Variants in NBEA observed in about 807,000 individuals in gnomAD.
NBEA encodes neurobeachin.
NBEA carries 44 observed loss-of-function variants against 343.4 expected under a neutral mutation model. That is an observed-to-expected ratio of 0.13 (90% CI 0.10 to 0.16). The LOEUF is 0.16. Ranked by LOEUF, NBEA falls within the 10% of genes least tolerant of loss-of-function variation. The pLI is 1.00. For synonymous variants in NBEA, 1,175 were observed against 1,238.7 expected, an observed-to-expected ratio of 0.95 and a Z score of 1.08; for missense variants, 2,555 against 3,631.3, an observed-to-expected ratio of 0.70 and a Z score of 7.62.
chr13:35,526,084 G>A (rs966653048), intron 41 of NBEA, among the ~76,000 whole-genome samples: 3 of 152,050 alleles, frequency 2.0e-5, no homozygotes, highest in African/African-American at 7.2e-5. Context: ...CTTCCTCGTT[G>A]GTAAAATGGG....
At chr13:35,200,407 G>T (rs2072937491) in intron 31 of NBEA, among the ~76,000 whole-genome samples, 1 of 141,994 alleles carries the variant, frequency 7.0e-6, no homozygotes. Flanking sequence ...TTTTGGTTTA[G>T]TTTTAACTTC....
In NBEA at chr13:35,526,331, G is replaced by A. The variant is rs185620812; in HGVS notation, c.6586-24146G>A. On this transcript the variant is annotated intron_variant, in intron 41 of 58. Coordinates refer to ENST00000379939, the MANE Select transcript of NBEA (RefSeq NM_001385012.1). ...AAATTTGATATATTTGCTTCTGATC[G>A]TTTTTACAAAATAAAACATTAAAAA... Among the ~76,000 whole-genome samples the A allele has an allele frequency of 8.1e-4, 123 of 152,158 alleles. 2 individuals are homozygous for A. The highest frequency in any genetic ancestry group is 6.6e-4 in the Non-Finnish European group (45 of 68,004).
At position 35,372,497 on chromosome 13, in the gene NBEA, C is replaced by T. The variant is rs191709351; in HGVS notation, c.6179+20174C>T. Reference sequence around the variant, plus strand: ...CCTGTCCTCAAGTATCCTGGTGATACATGCATATGCTGGCTGAGGTAGACA... The same window carrying T: ...CCTGTCCTCAAGTATCCTGGTGATATATGCATATGCTGGCTGAGGTAGACA... On this transcript the variant is annotated intron_variant, in intron 38 of 58. Transcript: ENST00000379939. Among the ~76,000 whole-genome samples, 13 of 152,254 alleles carry T rather than the reference C, an allele frequency of 8.5e-5. No individual in the cohort carries two copies. In the East Asian group the frequency reaches 1.7e-3, roughly 20 times the overall value.
chr13:35,307,509 T>C (rs1237517407), intron 35 of NBEA, among the ~76,000 whole-genome samples: 2 of 152,096 alleles, frequency 1.3e-5, no homozygotes, highest in African/African-American at 4.8e-5. Flanking sequence ...TAATTTTCTC[T>C]TGATTTTTTT....
In NBEA at chr13:35,549,693, C is replaced by T. The variant is rs140633000; in HGVS notation, c.6586-784C>T. ...AAAGTGGTATGCCAGCTATATATGA[C>T]TCATTTCATCAGCTTTTCTCAAACA... On this transcript the variant is annotated intron_variant, in intron 41 of 58. Transcript: ENST00000379939. 2.0e-4 allele frequency among the ~76,000 whole-genome samples: 31 copies of T among 152,258 alleles called. No homozygotes were observed. In the East Asian group the frequency reaches 5.8e-3, roughly 29 times the overall value.
intron 38 of NBEA, among the ~76,000 whole-genome samples, chr13:35,405,877 C>G (rs1227008790): frequency 3.3e-5 from 5 of 152,088 alleles, no homozygotes; most frequent in Non-Finnish European, 4.4e-5. Context: ...AGCTATTTCA[C>G]AAGTAATTTT....
chr13:35,047,805 A>G (rs1162631259), intron 4 of NBEA, among the ~76,000 whole-genome samples: 1 of 1,164 alleles, frequency 8.6e-4, no homozygotes, highest in Non-Finnish European at 7.2e-3. Context: ...AACATGAAAG[A>G]TCTATTTGAG....
chr13:35,347,353 G>C (rs1414498463), intron 36 of NBEA, among the ~76,000 whole-genome samples: 1 of 151,952 alleles, frequency 6.6e-6, no homozygotes. Context: ...GTGAAAAAAA[G>C]TAATGCTGTT....
intron 39 of NBEA, among the ~76,000 whole-genome samples, chr13:35,433,838 C>G (rs1006291667): frequency 2.0e-5 from 3 of 152,082 alleles, no homozygotes; most frequent in Middle Eastern, 3.4e-3. Flanking sequence ...ATCTGCCTAC[C>G]TAGTAGTGGC....
intron 48 of NBEA, among the ~76,000 whole-genome samples, chr13:35,611,041 G>A (rs2082496803): frequency 7.7e-6 from 1 of 129,066 alleles, no homozygotes; most frequent in Non-Finnish European, 1.7e-5. Context: ...AAAATTAAAA[G>A]GGGGAAAAAA....
Position 35,159,585 on chromosome 13 carries a change from C to A in NBEA, c.3414C>A (p.Asp1138Glu), listed in dbSNP as rs1163673035. The A allele has an allele frequency of 1.2e-6, 2 of 1,612,052 alleles. No individual in the cohort carries two copies. The highest frequency in any genetic ancestry group is 2.2e-5 in the South Asian group (2 of 90,936). ...PLITLADEKE[D>E]LPNSSTSFLF... ...TAACATTAGCAGATGAGAAAGAAGA[C>A]CTTCCCAATAGTAGTACATCATTTC... The change falls in exon 22 of 59, where the codon GAC becomes GAA. Residue 1138 changes from aspartate (D) to glutamate (E), a missense_variant. Physicochemically the swap from Asp to Glu is conservative, Grantham distance 45. Transcript: ENST00000379939.
chr13:35,023,498 A>G (rs887549405), intron 1 of NBEA, among the ~76,000 whole-genome samples: 2 of 152,186 alleles, frequency 1.3e-5, no homozygotes, highest in African/African-American at 4.8e-5. Flanking sequence ...CTATAAAAGT[A>G]TGCGATCATA....
At chr13:35,224,867 C>T (rs2074565219) in intron 33 of NBEA, among the ~76,000 whole-genome samples, 2 of 152,066 alleles carry the variant, frequency 1.3e-5, no homozygotes, top group African/African-American at 4.8e-5. Context: ...CGTATTTGTG[C>T]TCTAAATGGG....
intron 56 of NBEA, among the ~76,000 whole-genome samples, chr13:35,665,784 G>A (rs530924571): frequency 7.5e-4 from 114 of 152,178 alleles, no homozygotes; most frequent in African/African-American, 2.6e-3. Context: ...CCGCAACCAA[G>A]CCTGGCTAAT....
At chr13:35,555,607 T>G (rs1031922297) in intron 44 of NBEA, among the ~76,000 whole-genome samples, 1 of 152,136 alleles carries the variant, frequency 6.6e-6, no homozygotes, top group Non-Finnish European at 1.5e-5. Context: ...TGCAGTACCA[T>G]GCTTGCAAAT....
At position 34,984,712 on chromosome 13, in the gene NBEA, G is replaced by A. The variant is rs747611184; in HGVS notation, c.294+41598G>A. On this transcript the variant is annotated intron_variant, in intron 1 of 58. Transcript: ENST00000379939. The stretch of plus-strand genomic sequence containing the variant: ...ATTTGTTTGTGTTCTCTTTTATTTC[G>A]TTGAGCAGTGGTTTGTAGTTCTCTT... Among the ~76,000 whole-genome samples, 5 of 150,762 alleles carry A rather than the reference G, an allele frequency of 3.3e-5. 1 individual carries two copies. Among genetic ancestry groups the A allele is most frequent in the Admixed American group, 6.6e-5 (1 of 15,126 alleles).
chr13:35,032,883 C>T (rs1382481991), intron 1 of NBEA, among the ~76,000 whole-genome samples: 2 of 151,704 alleles, frequency 1.3e-5, no homozygotes, highest in Non-Finnish European at 3.0e-5. Flanking sequence ...TGCTTGAGCT[C>T]CATATGTATT....
At chr13:35,598,675 G>A (rs2081915363) in intron 47 of NBEA, among the ~76,000 whole-genome samples, 1 of 152,166 alleles carries the variant, frequency 6.6e-6, no homozygotes, top group Admixed American at 6.5e-5. Context: ...AATGCCCTAA[G>A]AATCCCTTTC....
intron 10 of NBEA, among the ~76,000 whole-genome samples, chr13:35,074,732 T>C (rs1052995491): frequency 2.0e-5 from 3 of 152,156 alleles, no homozygotes; most frequent in African/African-American, 7.2e-5. Flanking sequence ...CATGATGTTA[T>C]GGGATACATA....
Sources: gnomAD v4.1 joint callset for allele counts (sites outside exome capture counted in the v4.1 genomes callset) on GRCh38, gnomAD v4.1.1 for gene constraint, MANE v1.5 for transcripts, NCBI Gene and HGNC (gene_info 2026-07-23, HGNC 2026-07-21) for gene names.